SOX5: variants seen among roughly 807,000 people sequenced by gnomAD.
SOX5 encodes SRY-box transcription factor 5.
A neutral mutation model predicts 92.0 loss-of-function variants in SOX5; 9 were observed. That is an observed-to-expected ratio of 0.10 (90% CI 0.06 to 0.17). SOX5 has a LOEUF of 0.17. Ranked by LOEUF, SOX5 falls within the 10% of genes least tolerant of loss-of-function variation. The probability of loss-of-function intolerance (pLI) is 1.00; values close to 1 mark genes in which losing one functional copy is unlikely to be tolerated. For missense variants in SOX5, 642 were observed against 944.5 expected (o/e 0.68, Z 4.20); for synonymous variants, 344 against 336.3 (o/e 1.02, Z -0.25).
chr12:23,949,917 T>C (rs1298657862), upstream of SOX5, among the ~76,000 whole-genome samples: 1 of 151,280 alleles, frequency 6.6e-6, no homozygotes, highest in African/African-American at 2.4e-5. Context: ...ACGCTCCGGC[T>C]GCAAGGCTCT....
intron 4 of SOX5, among the ~76,000 whole-genome samples, chr12:24,010,165 C>T (rs527876423): frequency 1.3e-5 from 2 of 152,274 alleles, no homozygotes; most frequent in Non-Finnish European, 2.9e-5. Context: ...AGAAACTTTT[C>T]CATTTATCAA....
chr12:23,640,118 G>A (rs930153839), intron 8 of SOX5, among the ~76,000 whole-genome samples: 1 of 152,168 alleles, frequency 6.6e-6, no homozygotes, highest in African/African-American at 2.4e-5. Context: ...GTGGGATGCT[G>A]ATTCAAAAAT....
intron 4 of SOX5, among the ~76,000 whole-genome samples, chr12:24,010,083 A>G (rs1470439007): frequency 1.3e-5 from 2 of 152,166 alleles, no homozygotes; most frequent in Non-Finnish European, 2.9e-5. Context: ...AAATATAACA[A>G]TTTTCATGTG....
At chr12:24,077,709 T>G (rs1490496952) in intron 4 of SOX5, among the ~76,000 whole-genome samples, 1 of 149,024 alleles carries the variant, frequency 6.7e-6, no homozygotes, top group Non-Finnish European at 1.5e-5. Context: ...ACTGAAACAT[T>G]TGAGGCAATT....
chr12:24,467,862 C>T (rs74068352), intron 1 of SOX5, among the ~76,000 whole-genome samples: 2,123 of 152,276 alleles, frequency 0.014, 38 homozygotes, highest in African/African-American at 0.045. Context: ...TATGAAGCAA[C>T]AGCATCTGCT....
intron 1 of SOX5, among the ~76,000 whole-genome samples, chr12:24,466,583 C>T (rs115309133): frequency 1.6e-4 from 24 of 152,278 alleles, no homozygotes; most frequent in Non-Finnish European, 2.9e-4. Flanking sequence ...CACTAGTTGG[C>T]ATGGAGTAGA....
At chr12:24,203,067 T>G (rs1307191444) in intron 4 of SOX5, among the ~76,000 whole-genome samples, 1 of 152,204 alleles carries the variant, frequency 6.6e-6, no homozygotes, top group Non-Finnish European at 1.5e-5. Flanking sequence ...TTTCCATCAT[T>G]CCTCTTAATT....
At chr12:24,475,954 C>T (rs1381853013) in intron 1 of SOX5, among the ~76,000 whole-genome samples, 2 of 150,748 alleles carry the variant, frequency 1.3e-5, no homozygotes, top group African/African-American at 4.9e-5. Flanking sequence ...TGCAGTCTAG[C>T]CTGGATGACA....
intron 9 of SOX5, among the ~76,000 whole-genome samples, chr12:23,590,606 A>T (rs1016415405): frequency 6.6e-5 from 10 of 152,176 alleles, no homozygotes; most frequent in Admixed American, 6.5e-4. Context: ...CTTAGCCTAC[A>T]GTATTTTAAT....
intron 6 of SOX5, among the ~76,000 whole-genome samples, chr12:23,711,322 C>T (rs2092030767): frequency 6.6e-6 from 1 of 152,098 alleles, no homozygotes; most frequent in African/African-American, 2.4e-5. Flanking sequence ...AAACTTAGCA[C>T]CGTCAATTAA....
chr12:23,822,423 G>C (rs1254890953), intron 3 of SOX5, among the ~76,000 whole-genome samples: 1 of 152,160 alleles, frequency 6.6e-6, no homozygotes, highest in East Asian at 1.9e-4. Context: ...TTTCCATGTA[G>C]TTGTGTGGTT....
At chr12:24,218,493 T>C (rs1186862393) in intron 3 of SOX5, among the ~76,000 whole-genome samples, 1 of 152,108 alleles carries the variant, frequency 6.6e-6, no homozygotes, top group Non-Finnish European at 1.5e-5. Flanking sequence ...GGAGGAGTAA[T>C]GGAGAGTGAA....
At chr12:23,555,287 T>C (rs1944958927) in intron 11 of SOX5, among the ~76,000 whole-genome samples, 1 of 152,050 alleles carries the variant, frequency 6.6e-6, no homozygotes, top group African/African-American at 2.4e-5. Context: ...CCTAAACAAA[T>C]AGACAGTTTC....
intron 2 of SOX5, among the ~76,000 whole-genome samples, chr12:23,851,116 C>T (rs574532416): frequency 1.3e-5 from 2 of 151,072 alleles, no homozygotes; most frequent in East Asian, 3.9e-4. Context: ...TAAAAGTTTA[C>T]CCCTTATCAA....
intron 4 of SOX5, among the ~76,000 whole-genome samples, chr12:24,126,635 C>T (rs1825683450): frequency 6.6e-6 from 1 of 152,214 alleles, no homozygotes. Flanking sequence ...GAAACATTGT[C>T]TCATAATGTA....
At chr12:23,941,352 C>T (rs532058335) in intron 1 of SOX5, among the ~76,000 whole-genome samples, 1 of 151,632 alleles carries the variant, frequency 6.6e-6, no homozygotes, top group East Asian at 1.9e-4. Context: ...TAGAAGAATG[C>T]TTTTAAAGCA....
At chr12:24,544,316 T>C (rs1007093592) in intron 1 of SOX5, among the ~76,000 whole-genome samples, 1 of 152,188 alleles carries the variant, frequency 6.6e-6, no homozygotes, top group African/African-American at 2.4e-5. Flanking sequence ...ATTATACATA[T>C]GGAAGGTATT....
chr12:23,806,655 GA>G (rs1386419642), intron 3 of SOX5, among the ~76,000 whole-genome samples: 200 of 138,202 alleles, frequency 1.4e-3, no homozygotes, highest in Non-Finnish European at 1.9e-3. Context: ...TAGTGGAGTG[GA>G]AAAAAAAAAA....
chr12:24,365,361 G>A (rs1161444421), intron 2 of SOX5, among the ~76,000 whole-genome samples: 1 of 151,972 alleles, frequency 6.6e-6, no homozygotes, highest in African/African-American at 2.4e-5. Context: ...GCATAATCAT[G>A]ACTTCCATCT....
Sources: gnomAD v4.1 joint callset for allele counts (sites outside exome capture counted in the v4.1 genomes callset) on GRCh38, gnomAD v4.1.1 for gene constraint, MANE v1.5 for transcripts, NCBI Gene and HGNC (gene_info 2026-07-23, HGNC 2026-07-21) for gene names.